Variants in SLC44A5 observed in about 807,000 individuals in gnomAD.
SLC44A5 encodes the protein solute carrier family 44 member 5.
SLC44A5 carries 57 observed loss-of-function variants against 101.8 expected under a neutral mutation model. The observed-to-expected ratio is 0.56, with a 90% CI of 0.45 to 0.70. The LOEUF (loss-of-function observed/expected upper bound fraction) is 0.70, where lower values mean the gene tolerates loss of function less well. Ranked by LOEUF, SLC44A5 falls within the 30% of genes least tolerant of loss-of-function variation. The probability of loss-of-function intolerance (pLI) is 0.00; values close to 1 mark genes in which losing one functional copy is unlikely to be tolerated. For synonymous variants in SLC44A5, 281 were observed against 290.9 expected (o/e 0.97, Z 0.35); for missense variants, 737 against 853.1 (o/e 0.86, Z 1.70).
intron 2 of SLC44A5, among the ~76,000 whole-genome samples, chr1:75,412,966 A>G (rs985682646): frequency 6.6e-6 from 1 of 152,166 alleles, no homozygotes; most frequent in Non-Finnish European, 1.5e-5. Context: ...CTAATGCTAC[A>G]TCACAATACC....
chr1:75,340,510 A>T (rs191584954), intron 3 of SLC44A5, among the ~76,000 whole-genome samples: 1 of 152,230 alleles, frequency 6.6e-6, no homozygotes, highest in Admixed American at 6.5e-5. Flanking sequence ...TTCAGTGCCA[A>T]GTTCTCTAGC....
chr1:75,339,596 C>G lies in SLC44A5; in HGVS notation c.87G>C (p.Gly29=). ...DPRTYDPDFK[G]PVANRSCTDV... Reference sequence around the variant, plus strand: ...TAATTGCTTACCTGTTGGCAACAGGCCCCTTGAAATCTGGGTCATATGTCC... The same window carrying G: ...TAATTGCTTACCTGTTGGCAACAGGGCCCTTGAAATCTGGGTCATATGTCC... Residue 29 remains glycine, a synonymous_variant, in exon 4 of 24, where the codon GGG becomes GGC. Transcript: ENST00000370859. The G allele has an allele frequency of 6.2e-7, 1 of 1,609,386 alleles. No homozygotes were observed. The highest frequency in any genetic ancestry group is 8.5e-7 in the Non-Finnish European group (1 of 1,177,512).
chr1:75,556,940 A>G (rs1672253081), intron 1 of SLC44A5, among the ~76,000 whole-genome samples: 1 of 152,110 alleles, frequency 6.6e-6, no homozygotes, highest in Non-Finnish European at 1.5e-5. Flanking sequence ...ATATATATGA[A>G]AAAGTGAAGA....
intron 1 of SLC44A5, among the ~76,000 whole-genome samples, chr1:75,555,984 T>C (rs1168833287): frequency 1.3e-5 from 2 of 152,120 alleles, no homozygotes; most frequent in Non-Finnish European, 2.9e-5. Flanking sequence ...ACACATTATA[T>C]ATTTCCATTT....
At chr1:75,340,048 C>T (rs1197388247) in intron 3 of SLC44A5, among the ~76,000 whole-genome samples, 8 of 152,200 alleles carry the variant, frequency 5.3e-5, no homozygotes, top group Non-Finnish European at 1.2e-4. Context: ...TCCCATTCCT[C>T]TCAGTAGATT....
At chr1:75,503,620 A>G (rs1669089077) in intron 2 of SLC44A5, among the ~76,000 whole-genome samples, 1 of 152,202 alleles carries the variant, frequency 6.6e-6, no homozygotes, top group Non-Finnish European at 1.5e-5. Flanking sequence ...AGTGTGAGAA[A>G]GCACTAACAC....
At chr1:75,323,982 G>C (rs1025332899) in intron 4 of SLC44A5, among the ~76,000 whole-genome samples, 2 of 152,168 alleles carry the variant, frequency 1.3e-5, no homozygotes, top group African/African-American at 4.8e-5. Context: ...TCCCTACTGT[G>C]CACAATGAAT....
intron 6 of SLC44A5, among the ~76,000 whole-genome samples, chr1:75,271,524 T>TGTGTGTGTGC (rs1553152617): frequency 1.3e-5 from 2 of 151,124 alleles, no homozygotes; most frequent in African/African-American, 4.9e-5. Context: ...TGTGTGTGTG[T>TGTGTGTGTGC]CCTCATAGCT....
In SLC44A5 at chr1:75,251,266, G is replaced by A. The variant is rs200776383; in HGVS notation, c.289C>T (p.Leu97=). 1.2e-6 allele frequency: 2 copies of A among 1,613,168 alleles called. No homozygotes were observed. Among genetic ancestry groups the A allele is most frequent in the Admixed American group, 1.7e-5 (1 of 59,872 alleles). ...ENKTILFYFN[L]LRCTSPSVLL... The stretch of plus-strand genomic sequence containing the variant: ...ACGGAGGGACTGGTACAGCGTAACA[G>A]GTTAAAGTAAAACAAAATGGTCTTG... The change falls in exon 7 of 24, where the codon CTG becomes TTG. Residue 97 remains leucine, a synonymous_variant. Transcript: ENST00000370859.
chr1:75,277,985 G>C (rs537124579), intron 5 of SLC44A5, among the ~76,000 whole-genome samples: 378 of 152,140 alleles, frequency 2.5e-3, no homozygotes, highest in Admixed American at 6.9e-3. Flanking sequence ...ATAAATTAAG[G>C]AGCTTCTGAC....
chr1:75,220,144 T>C (rs751034475), intron 14 of SLC44A5, among the ~76,000 whole-genome samples: 4 of 152,216 alleles, frequency 2.6e-5, no homozygotes, highest in Non-Finnish European at 4.4e-5. Context: ...TACTACTGTC[T>C]GATTTGATAC....
intron 6 of SLC44A5, among the ~76,000 whole-genome samples, chr1:75,259,121 C>T (rs571381308): frequency 1.3e-5 from 2 of 152,246 alleles, no homozygotes; most frequent in Admixed American, 1.3e-4. Flanking sequence ...TGCATCTTCT[C>T]CTGCAAAGGA....
the SLC44A5 span, among the ~76,000 whole-genome samples, chr1:75,658,138 C>T: frequency 6.6e-6 from 1 of 151,986 alleles, no homozygotes; most frequent in Non-Finnish European, 1.5e-5. Flanking sequence ...TCACCTAGAC[C>T]AACACAGCTC....
intron 4 of SLC44A5, among the ~76,000 whole-genome samples, chr1:75,310,416 T>A (rs1445171660): frequency 6.6e-6 from 1 of 152,222 alleles, no homozygotes; most frequent in Non-Finnish European, 1.5e-5. Flanking sequence ...TTTGTTTTTT[T>A]ATTTAGGGAA....
the SLC44A5 span, among the ~76,000 whole-genome samples, chr1:75,619,019 G>A: frequency 7.0e-5 from 10 of 143,262 alleles, no homozygotes; most frequent in East Asian, 8.5e-4. Flanking sequence ...GCAGTGAGCC[G>A]AGACTGCACC....
chr1:75,398,628 C>G (rs1662277375), intron 2 of SLC44A5, among the ~76,000 whole-genome samples: 1 of 152,130 alleles, frequency 6.6e-6, no homozygotes, highest in African/African-American at 2.4e-5. Context: ...AAAGCAGGAT[C>G]TAGGTGGTCT....
intron 1 of SLC44A5, among the ~76,000 whole-genome samples, chr1:75,576,597 C>T (rs1341153736): frequency 4.6e-5 from 7 of 152,054 alleles, no homozygotes; most frequent in African/African-American, 1.7e-4. Flanking sequence ...GGATTACAGG[C>T]GTTGAGCCAC....
chr1:75,686,356 C>G, the SLC44A5 span, among the ~76,000 whole-genome samples: 228 of 152,230 alleles, frequency 1.5e-3, no homozygotes, highest in African/African-American at 5.3e-3. Flanking sequence ...AAAAAATAGT[C>G]ATGGAAGCCC....
intron 2 of SLC44A5, among the ~76,000 whole-genome samples, chr1:75,449,887 G>C (rs955031864): frequency 5.3e-5 from 8 of 152,058 alleles, no homozygotes; most frequent in Non-Finnish European, 7.4e-5. Context: ...TGTAGTACCA[G>C]CTACTCAGGA....
Sources: allele counts gnomAD v4.1 joint callset (sites outside exome capture counted in the v4.1 genomes callset), GRCh38; gene constraint gnomAD v4.1.1; transcripts MANE v1.5; gene names NCBI Gene and HGNC (gene_info 2026-07-23, HGNC 2026-07-21).